LRP1B: variants seen among roughly 807,000 people sequenced by gnomAD.
LRP1B encodes the protein low-density lipoprotein receptor-related protein 1B.
Under a neutral mutation model 556.6 loss-of-function variants are expected in LRP1B, and 217 were observed. The observed-to-expected ratio is 0.39, with a 90% CI of 0.35 to 0.44. LRP1B has a LOEUF of 0.44. LRP1B is among the 20% of genes least tolerant of loss of function. The probability of loss-of-function intolerance (pLI) is 1.00; values close to 1 mark genes in which losing one functional copy is unlikely to be tolerated. For synonymous variants in LRP1B, 2,047 were observed against 1,865.8 expected, an observed-to-expected ratio of 1.10 and a Z score of -2.50; for missense variants, 5,053 against 5,620.8, an observed-to-expected ratio of 0.90 and a Z score of 3.23.
At chr2:140,557,842 C>A (rs1423612581) in intron 43 of LRP1B, among the ~76,000 whole-genome samples, 2 of 152,142 alleles carry the variant, frequency 1.3e-5, no homozygotes, top group Non-Finnish European at 2.9e-5. Context: ...ACACTCAATG[C>A]CCTTATTCAG....
intron 1 of LRP1B, among the ~76,000 whole-genome samples, chr2:141,989,889 G>A (rs1468061545): frequency 1.3e-5 from 2 of 152,058 alleles, no homozygotes; most frequent in African/African-American, 4.8e-5. Context: ...CTTCATAGCA[G>A]CATGAGAACA....
rs1697881713 is a variant in LRP1B at position 141,015,726 on chromosome 2, T to C, written c.2160A>G (p.Glu720=). ...YWCDAYYDHI[E]KVFLNGTHRK... ...TGTGAGTCCCATTCAAAAATACTTT[T>C]TCAATATGATCGTAATAGGCATCAC... The change falls in exon 13 of 91, where the codon GAA becomes GAG. Residue 720 remains glutamate, a synonymous_variant. Coordinates refer to ENST00000389484, the MANE Select transcript of LRP1B (RefSeq NM_018557.3). The C allele has an allele frequency of 6.2e-7, 1 of 1,613,110 alleles. No individual in the cohort carries two copies.
At chr2:141,943,930 A>G (rs1700885929) in intron 1 of LRP1B, among the ~76,000 whole-genome samples, 1 of 152,166 alleles carries the variant, frequency 6.6e-6, no homozygotes, top group South Asian at 2.1e-4. Context: ...CAGCAAAGCG[A>G]TAGAGGGGTT....
chr2:141,127,397 C>T (rs1445844215), intron 7 of LRP1B, among the ~76,000 whole-genome samples: 1 of 151,950 alleles, frequency 6.6e-6, no homozygotes, highest in African/African-American at 2.4e-5. Context: ...GTGTATATAC[C>T]CAAAGGATTA....
chr2:140,507,714 C>T (rs994779864), intron 52 of LRP1B, among the ~76,000 whole-genome samples: 2 of 152,098 alleles, frequency 1.3e-5, no homozygotes, highest in African/African-American at 4.8e-5. Flanking sequence ...TTTCAGTAAT[C>T]TTTGCATATA....
intron 41 of LRP1B, among the ~76,000 whole-genome samples, chr2:140,659,613 A>G (rs1231883606): frequency 6.6e-6 from 1 of 152,104 alleles, no homozygotes; most frequent in African/African-American, 2.4e-5. Flanking sequence ...CATTCAACAC[A>G]GTAAATATAG....
At chr2:141,981,932 C>G (rs544250676) in intron 1 of LRP1B, among the ~76,000 whole-genome samples, 3 of 152,170 alleles carry the variant, frequency 2.0e-5, no homozygotes, top group African/African-American at 7.2e-5. Context: ...AAAGTCATGT[C>G]TTTGAAAATG....
At chr2:141,035,224 A>C (rs1244414838) in intron 11 of LRP1B, among the ~76,000 whole-genome samples, 1 of 150,226 alleles carries the variant, frequency 6.7e-6, no homozygotes, top group Non-Finnish European at 1.5e-5. Context: ...GGAAGGGGGG[A>C]GGGATAGCAT....
intron 43 of LRP1B, among the ~76,000 whole-genome samples, chr2:140,552,798 A>T (rs1680592430): frequency 6.6e-6 from 1 of 152,152 alleles, no homozygotes; most frequent in African/African-American, 2.4e-5. Flanking sequence ...TTCACAAAAC[A>T]CATTTCTTGA....
chr2:140,864,486 C>T (rs1251335885), intron 27 of LRP1B, among the ~76,000 whole-genome samples: 1 of 151,936 alleles, frequency 6.6e-6, no homozygotes, highest in Non-Finnish European at 1.5e-5. Flanking sequence ...TTGAGACTAA[C>T]AACTGTAAAG....
chr2:141,074,949 T>C (rs1386510445), intron 7 of LRP1B, among the ~76,000 whole-genome samples: 1 of 152,148 alleles, frequency 6.6e-6, no homozygotes, highest in Non-Finnish European at 1.5e-5. Context: ...TGAGTATTCC[T>C]GTATCTAGCC....
intron 66 of LRP1B, among the ~76,000 whole-genome samples, chr2:140,417,155 T>C (rs1685236828): frequency 6.6e-6 from 1 of 152,094 alleles, no homozygotes; most frequent in African/African-American, 2.4e-5. Flanking sequence ...AAATAAAAAA[T>C]GAACATGAAG....
chr2:140,233,240 C>A lies in LRP1B; in HGVS notation c.13746G>T (p.Arg4582Ser), dbSNP rs774753726. ...CTATTTTCTTTGGAAGCAGTTCTTTCCTTTCATCAACACTTCCTAAGGAGT... is the reference window on the plus strand; with the variant it reads ...CTATTTTCTTTGGAAGCAGTTCTTTACTTTCATCAACACTTCCTAAGGAGT... ...CRNSLGSVDE[R>S]KELLPKKIEI... The change falls in exon 91 of 91, where the codon AGG (arginine) becomes AGT (serine). Residue 4582 changes from arginine (R) to serine (S), a missense_variant. By Grantham distance (110) the Arg-to-Ser change is moderately radical (BLOSUM62 -1). Coordinates refer to ENST00000389484, the MANE Select transcript of LRP1B (RefSeq NM_018557.3). The A allele has an allele frequency of 1.9e-6, 3 of 1,605,856 alleles. No homozygotes were observed. The highest frequency in any genetic ancestry group is 2.6e-6 in the Non-Finnish European group (3 of 1,174,550).
intron 3 of LRP1B, among the ~76,000 whole-genome samples, chr2:141,319,865 T>C (rs535882484): frequency 6.6e-6 from 1 of 152,220 alleles, no homozygotes; most frequent in South Asian, 2.1e-4. Flanking sequence ...TACTGTAAAT[T>C]AGAAAACCTA....
At chr2:140,561,105 C>A (rs1408043322) in intron 43 of LRP1B, among the ~76,000 whole-genome samples, 1 of 152,130 alleles carries the variant, frequency 6.6e-6, no homozygotes, top group African/African-American at 2.4e-5. Context: ...AAATACAATT[C>A]CTCTTCCCCA....
At chr2:140,683,302 GA>G in intron 41 of LRP1B, 2 of 416,428 alleles carry the variant, frequency 4.8e-6, no homozygotes, top group Non-Finnish European at 4.6e-6. Flanking sequence ...ACCTTCAAAG[GA>G]AAAGAGATCT....
At chr2:142,010,637 C>T (rs1270058463) in intron 1 of LRP1B, among the ~76,000 whole-genome samples, 5 of 151,746 alleles carry the variant, frequency 3.3e-5, no homozygotes, top group Non-Finnish European at 7.4e-5. Context: ...ACAGAATACC[C>T]TCTCGTGTCT....
intron 2 of LRP1B, among the ~76,000 whole-genome samples, chr2:141,512,413 A>G (rs1684165020): frequency 6.6e-6 from 1 of 152,132 alleles, no homozygotes; most frequent in South Asian, 2.1e-4. Flanking sequence ...CCTTATACAC[A>G]TAACTTCTCA....
intron 41 of LRP1B, among the ~76,000 whole-genome samples, chr2:140,677,411 G>T (rs1685708620): frequency 6.6e-6 from 1 of 152,098 alleles, no homozygotes; most frequent in African/African-American, 2.4e-5. Context: ...GTATAGAGGA[G>T]AAATGAGAAT....
Sources: gnomAD v4.1 joint callset for allele counts (sites outside exome capture counted in the v4.1 genomes callset) on GRCh38, gnomAD v4.1.1 for gene constraint, MANE v1.5 for transcripts, NCBI Gene and HGNC (gene_info 2026-07-23, HGNC 2026-07-21) for gene names.